The following ZFYVE26 variants were observed in gnomAD, a reference collection of about 807,000 sequenced individuals.
ZFYVE26 encodes the protein zinc finger FYVE domain-containing protein 26.
ZFYVE26 carries 181 observed loss-of-function variants against 276.5 expected under a neutral mutation model. The observed-to-expected ratio is 0.65, with a 90% CI of 0.58 to 0.74. ZFYVE26 has a LOEUF of 0.74. Among genes scored for constraint, ZFYVE26 ranks in the 30% least tolerant of loss-of-function variants. The pLI is 0.00. For synonymous variants in ZFYVE26, 1,129 were observed against 1,203.1 expected, an observed-to-expected ratio of 0.94 and a Z score of 1.27; for missense variants, 2,821 against 3,097.9, an observed-to-expected ratio of 0.91 and a Z score of 2.12.
rs1479074353 is a variant in ZFYVE26, at chr14:67,802,120, G to A, written c.1598C>T (p.Ala533Val). 2 of 1,613,794 alleles carry A rather than the reference G, an allele frequency of 1.2e-6. No homozygotes were observed. The highest frequency in any genetic ancestry group is 3.3e-5 in the Admixed American group (2 of 60,012). ...DCKDSLSEDL[A>V]SATEPANDSL... ...GTCATTCGCTGGCTCTGTAGCTGAG[G>A]CCAGGTCCTCAGAGAGGCTGTCTTT... The change falls in exon 10 of 42, where the codon GCC (alanine) becomes GTC (valine). Residue 533 changes from alanine to valine, a missense_variant. Ala to Val is a moderately conservative substitution (Grantham distance 64, BLOSUM62 0). Transcript: ENST00000347230.
At chr14:67,809,648 C>T in intron 3 of ZFYVE26, among the ~76,000 whole-genome samples, 1 of 151,966 alleles carries the variant, frequency 6.6e-6, no homozygotes, top group East Asian at 1.9e-4. Context: ...TCTGGAACTC[C>T]TGACCTCAAG....
At position 67,778,118 on chromosome 14, in the gene ZFYVE26, G is replaced by A; in HGVS notation, c.4797+8C>T. 1 of 1,614,140 alleles carries A rather than the reference G, an allele frequency of 6.2e-7. No individual in the cohort carries two copies. Among genetic ancestry groups the A allele is most frequent in the Non-Finnish European group, 8.5e-7 (1 of 1,180,022 alleles). ...CCAGAAGAAAAATGGAAAGAACTGG[G>A]GGCTTACTTGCAGAGCCTTGTCATG... On this transcript the variant is annotated splice_region_variant and intron_variant, in intron 24 of 41. Coordinates refer to ENST00000347230, the MANE Select transcript of ZFYVE26 (RefSeq NM_015346.4).
chr14:67,751,146 T>TGG, intron 40 of ZFYVE26, 50 bp from the exon 41 acceptor site: 1 of 1,610,458 alleles, frequency 6.2e-7, no homozygotes, highest in Non-Finnish European at 8.5e-7. Context: ...TCCCGCAGTC[T>TGG]GGGAGCCAGG....
chr14:67,755,859 G>A, intron 36 of ZFYVE26, 89 bp downstream of exon 36: 1 of 1,497,974 alleles, frequency 6.7e-7, no homozygotes, highest in Non-Finnish European at 9.3e-7. Context: ...AGGGACCAAT[G>A]ACAGTCTCAT....
At position 67,807,734 on chromosome 14, in the gene ZFYVE26, G is replaced by A; in HGVS notation, c.550C>T (p.Leu184Phe). ...GCATTCTGCAGAGGCCAGTGACAGA[G>A]GCCAGTACCGTCATCCTCCTCAAGC... is the stretch of plus-strand genomic sequence containing the variant. ...LLLEEDDGTG[L>F]CHWPLQNALV... The change falls in exon 5 of 42, where the codon CTC (leucine) becomes TTC (phenylalanine). Residue 184 changes from leucine (L) to phenylalanine (F), a missense_variant. Physicochemically the swap from Leu to Phe is conservative, Grantham distance 22. Coordinates refer to ENST00000347230, the MANE Select transcript of ZFYVE26 (RefSeq NM_015346.4). 1 of 1,614,204 alleles carries A rather than the reference G, an allele frequency of 6.2e-7. No individual in the cohort carries two copies. The highest frequency in any genetic ancestry group is 8.5e-7 in the Non-Finnish European group (1 of 1,180,044).
chr14:67,759,244 GA>G (rs1171265652), intron 35 of ZFYVE26, among the ~76,000 whole-genome samples: 17 of 81,642 alleles, frequency 2.1e-4, no homozygotes, highest in Admixed American at 7.6e-4. Flanking sequence ...GACTCTGTCT[GA>G]AAAAAAAAAA....
chr14:67,814,106 ACTGAT>A (rs2040353562), intron 2 of ZFYVE26, 42 bp from the exon 3 acceptor site: 2 of 1,496,442 alleles, frequency 1.3e-6, no homozygotes, highest in African/African-American at 2.8e-5. Context: ...AAGAGTTTCT[ACTGAT>A]CTTTCATCTT....
intron 14 of ZFYVE26, among the ~76,000 whole-genome samples, chr14:67,792,918 A>G (rs951423563): frequency 1.8e-4 from 27 of 149,878 alleles, no homozygotes; most frequent in Admixed American, 5.3e-4. Flanking sequence ...TGTCTCAAAA[A>G]AAAAAAAAAA....
Position 67,748,731 on chromosome 14 carries a change from A to T in ZFYVE26, c.7417-92T>A, listed in dbSNP as rs1303899622. On this transcript the variant is annotated intron_variant, in intron 41 of 41. Coordinates refer to ENST00000347230, the MANE Select transcript of ZFYVE26 (RefSeq NM_015346.4). ...CAGCAGAAAGCTCGGGCAGACAGAC[A>T]CCATGTCTCACCTGCCACGTTCATA... The T allele has an allele frequency of 2.4e-6, 3 of 1,251,418 alleles. No individual in the cohort carries two copies. The African/African-American group carries it at 4.4e-5, about 19-fold the overall frequency. The allele number at this position is 1,251,418 out of a possible 1,614,324, so 77.5% of individuals were successfully genotyped here.
At chr14:67,776,962 G>T (rs1336149200) in intron 25 of ZFYVE26, among the ~76,000 whole-genome samples, 1 of 152,154 alleles carries the variant, frequency 6.6e-6, no homozygotes. Context: ...CTGCTTCACT[G>T]GATTACTTTT....
chr14:67,762,410 G>C lies in ZFYVE26; in HGVS notation c.6162C>G (p.Val2054=). The C allele has an allele frequency of 1.2e-6, 2 of 1,613,278 alleles. No homozygotes were observed. The highest frequency in any genetic ancestry group is 1.7e-6 in the Non-Finnish European group (2 of 1,179,626). The change falls in exon 34 of 42, where the codon GTC becomes GTG. Residue 2054 remains valine (V), a splice_region_variant and synonymous_variant. Transcript: ENST00000347230. ...EAEYYQLGVE[V]STKTGLDTTG... ...TGGTATCAAGCCCAGTCTTTGTGGA[G>C]ACCTGGGAGAAAAATTGCCCCTTTT...
Position 67,762,372 on chromosome 14 carries a change from T to G in ZFYVE26, c.6200A>C (p.His2067Pro). The G allele has an allele frequency of 6.2e-7, 1 of 1,614,178 alleles. No individual in the cohort carries two copies. Among genetic ancestry groups the G allele is most frequent in the Non-Finnish European group, 8.5e-7 (1 of 1,180,020 alleles). ...KTGLDTTGAWHAWGMACLKAG... is the reference protein window; with the variant it reads ...KTGLDTTGAWPAWGMACLKAG... ...TTTGAGGCAGGCCATGCCCCAAGCA[T>G]GCCACGCCCCGGTGGTATCAAGCCC... The change falls in exon 34 of 42, where the codon CAT (histidine) becomes CCT (proline). Residue 2067 changes from histidine to proline, a missense_variant. His to Pro is a moderately conservative substitution (Grantham distance 77). Transcript: ENST00000347230.
intron 10 of ZFYVE26, among the ~76,000 whole-genome samples, chr14:67,800,764 T>C (rs1187952744): frequency 6.6e-6 from 1 of 152,154 alleles, no homozygotes; most frequent in Non-Finnish European, 1.5e-5. Flanking sequence ...AAAGTAAGCC[T>C]TTAGCTCTAA....
chr14:67,781,679 T>C (rs2039504530), intron 21 of ZFYVE26, 150 bp from the exon 22 acceptor site: 1 of 724,640 alleles, frequency 1.4e-6, no homozygotes, highest in Non-Finnish European at 2.3e-6. Flanking sequence ...AACTAGTTTT[T>C]ACACTTGGAA....
At chr14:67,732,933 G>C (rs113030417) in intron 13 of ZFYVE26, among the ~76,000 whole-genome samples, 2 of 152,060 alleles carry the variant, frequency 1.3e-5, no homozygotes, top group African/African-American at 4.8e-5. Context: ...TGTTTTACAG[G>C]ACTTTTATAA....
Position 67,792,896 on chromosome 14 carries a change from CA to C in ZFYVE26, c.2553+711del, listed in dbSNP as rs1284526945. Among the ~76,000 whole-genome samples the C allele has an allele frequency of 6.6e-4, 13 of 19,598 alleles. No individual in the cohort carries two copies. In the Admixed American group the frequency reaches 9.1e-3, roughly 14 times the overall value. 12.9% of individuals were successfully genotyped at this position (19,598 alleles called of 152,430 possible). A position where few individuals can be genotyped will look rare whatever the true frequency, so the allele number is the denominator to read the frequency against. On this transcript the variant is annotated intron_variant, in intron 14 of 41. Coordinates refer to ENST00000347230, the MANE Select transcript of ZFYVE26 (RefSeq NM_015346.4). ...CACTGCACTCCAGCAGCCTGGGTGA[CA>C]AAAGCAAATCTGTCTCAAAAAAAAA...
intron 13 of ZFYVE26, among the ~76,000 whole-genome samples, chr14:67,740,835 C>G (rs113366457): frequency 6.7e-6 from 1 of 150,326 alleles, no homozygotes; most frequent in East Asian, 2.0e-4. Context: ...TTGAACCTAG[C>G]GGGGCAGAAG....
At position 67,762,398 on chromosome 14, in the gene ZFYVE26, A is replaced by AG; in HGVS notation, c.6173dup (p.Gly2059TrpfsTer3). The AG allele has an allele frequency of 6.2e-7, 1 of 1,613,978 alleles. No individual in the cohort carries two copies. The highest frequency in any genetic ancestry group is 8.5e-7 in the Non-Finnish European group (1 of 1,179,928). ...GCCACGCCCCGGTGGTATCAAGCCCAGTCTTTGTGGAGACCTGGGAGAAAA... is the reference window on the plus strand; with the variant it reads ...GCCACGCCCCGGTGGTATCAAGCCCAGGTCTTTGTGGAGACCTGGGAGAAAA... On this transcript the variant is annotated frameshift_variant, in exon 34 of 42. Coordinates refer to ENST00000347230, the MANE Select transcript of ZFYVE26 (RefSeq NM_015346.4). LOFTEE classifies it high-confidence loss of function.
rs374116945 is a variant in ZFYVE26, at chr14:67,776,129, G to A, written c.4975-23C>T. The A allele has an allele frequency of 6.8e-6, 11 of 1,613,614 alleles. No homozygotes were observed. The African/African-American group carries it at 1.2e-4, about 18-fold the overall frequency. On this transcript the variant is annotated intron_variant, in intron 25 of 41. Transcript: ENST00000347230. ...AATCTGTTTGTGGGGTAGATCCATAGAGTAAAGAAAATAGTACACAAATTT... is the reference window on the plus strand; with the variant it reads ...AATCTGTTTGTGGGGTAGATCCATAAAGTAAAGAAAATAGTACACAAATTT...
Sources: gnomAD v4.1 joint callset for allele counts (sites outside exome capture counted in the v4.1 genomes callset) on GRCh38, gnomAD v4.1.1 for gene constraint, MANE v1.5 for transcripts, NCBI Gene and HGNC (gene_info 2026-07-23, HGNC 2026-07-21) for gene names.